The following ZNF518A variants were observed in gnomAD, a reference collection of about 807,000 sequenced individuals.
The protein encoded by ZNF518A is zinc finger protein 518.
In ZNF518A, 47 loss-of-function variants were observed where a neutral mutation model predicts 102.7. The observed-to-expected ratio is 0.46, with a 90% CI of 0.36 to 0.58. The LOEUF is 0.58. Ranked by LOEUF, ZNF518A falls within the 20% of genes least tolerant of loss-of-function variation. The pLI is 0.00. For synonymous variants in ZNF518A, 652 were observed against 594.6 expected, an observed-to-expected ratio of 1.10 and a Z score of -1.40; for missense variants, 1,793 against 1,699.8, an observed-to-expected ratio of 1.05 and a Z score of -0.96.
intron 1 of ZNF518A, among the ~76,000 whole-genome samples, chr10:96,183,217 A>T (rs1295688489): frequency 6.6e-6 from 1 of 151,332 alleles, no homozygotes; most frequent in African/African-American, 2.4e-5. Context: ...TCTGTTCTTT[A>T]TTAGTCTTGC....
chr10:96,188,699 CT>C (rs1293722016), intron 1 of ZNF518A, among the ~76,000 whole-genome samples: 1 of 152,054 alleles, frequency 6.6e-6, no homozygotes, highest in African/African-American at 2.4e-5. Context: ...AATGGTTTTC[CT>C]AAAAGGAGAA....
chr10:96,203,982 G>T, exon 3 of ZNF518A: 1 of 1,309,500 alleles, frequency 7.6e-7, no homozygotes, highest in South Asian at 1.2e-5. Context: ...TGCTGTGTTA[G>T]AACCCAGGCC....
chr10:96,196,317 T>C (rs2083463905), intron 1 of ZNF518A, among the ~76,000 whole-genome samples: 1 of 152,192 alleles, frequency 6.6e-6, no homozygotes, highest in African/African-American at 2.4e-5. Context: ...GGTTCATTTA[T>C]AGGAGCAGGC....
At chr10:96,197,080 A>G in intron 1 of ZNF518A, 2 of 1,598,034 alleles carry the variant, frequency 1.3e-6, no homozygotes, top group Non-Finnish European at 1.7e-6. Context: ...AATTTTTTTT[A>G]AAAAACATAA....
chr10:96,204,611 G>A (rs1554897002), downstream of ZNF518A: 1 of 1,613,930 alleles, frequency 6.2e-7, no homozygotes, highest in Non-Finnish European at 8.5e-7. Flanking sequence ...GCAGGTATAG[G>A]TTTTTCTGGA....
intron 1 of ZNF518A, among the ~76,000 whole-genome samples, chr10:96,185,162 A>G (rs983999997): frequency 1.3e-5 from 2 of 152,142 alleles, no homozygotes; most frequent in Non-Finnish European, 2.9e-5. Flanking sequence ...CAGGTCATTT[A>G]AGGTCTTCTC....
At chr10:96,167,568 AAATG>A (rs199631437), downstream of ZNF518A, among the ~76,000 whole-genome samples, 368 of 152,336 alleles carry the variant, frequency 2.4e-3, 4 homozygotes, top group Admixed American at 0.015. Context: ...TTAAAGAACT[AAATG>A]AAAATTCTGG....
intron 3 of ZNF518A, among the ~76,000 whole-genome samples, chr10:96,143,507 T>C (rs1005068630): frequency 1.3e-5 from 2 of 152,340 alleles, no homozygotes; most frequent in South Asian, 2.1e-4. Context: ...TGCTACTCTT[T>C]AAAGGGTCCT....
At position 96,198,278 on chromosome 10, in the gene ZNF518A, C is replaced by CA. The variant is rs1564811896; in HGVS notation, n.36-5290dup. 2.6e-5 allele frequency among the ~76,000 whole-genome samples: 4 copies of CA among 152,106 alleles called. No homozygotes were observed. In the South Asian group the frequency reaches 8.3e-4, roughly 32 times the overall value. On this transcript the variant is annotated intron_variant and non_coding_transcript_variant, in intron 1 of 2. Coordinates refer to the ZNF518A transcript ENST00000442635. ...AAGACAGTGATGGGAGAAAAAATGACAAAAAAGATCCAAAACGCATGTAAA... is the reference window on the plus strand; with the variant it reads ...AAGACAGTGATGGGAGAAAAAATGACAAAAAAAGATCCAAAACGCATGTAAA...
chr10:96,166,746 G>A (rs916605196), downstream of ZNF518A, among the ~76,000 whole-genome samples: 34 of 152,266 alleles, frequency 2.2e-4, no homozygotes, highest in African/African-American at 7.5e-4. Context: ...CAGCCTAGGC[G>A]ACAGAGCGAG....
chr10:96,156,799 A>G lies in ZNF518A; in HGVS notation c.477A>G (p.Ala159=), dbSNP rs781976084. The change falls in exon 6 of 6, where the codon GCA becomes GCG. Residue 159 remains alanine (A), a synonymous_variant. Coordinates refer to ENST00000316045, the MANE Select transcript of ZNF518A (RefSeq NM_001330736.2). Reference sequence around the variant, plus strand: ...CTTGTGAAATGTGCAACTTTTCAGCAAATGACTTTCAGGTATTTAAACAAC... The same window carrying G: ...CTTGTGAAATGTGCAACTTTTCAGCGAATGACTTTCAGGTATTTAAACAAC... ...SYPCEMCNFS[A]NDFQVFKQHR... 2 of 1,613,846 alleles carry G rather than the reference A, an allele frequency of 1.2e-6. No individual in the cohort carries two copies. Among genetic ancestry groups the G allele is most frequent in the Non-Finnish European group, 1.7e-6 (2 of 1,179,832 alleles).
intron 3 of ZNF518A, among the ~76,000 whole-genome samples, chr10:96,136,030 T>G (rs1554874291): frequency 6.6e-6 from 1 of 152,120 alleles, no homozygotes; most frequent in Non-Finnish European, 1.5e-5. Context: ...GAGTGGAGAT[T>G]GGTTTCACTG....
rs932450938 is a variant in ZNF518A, at chr10:96,162,055, A to G, written c.*1281A>G. ...GGATAATGGAGTTCTTGTGTTAACAAATTACGTGCTATATGATTTTTTGTT... is the reference window on the plus strand; with the variant it reads ...GGATAATGGAGTTCTTGTGTTAACAGATTACGTGCTATATGATTTTTTGTT... On this transcript the variant is annotated 3_prime_UTR_variant, in exon 6 of 6. Coordinates refer to ENST00000316045, the MANE Select transcript of ZNF518A (RefSeq NM_001330736.2). 2 of 166,944 alleles carry G rather than the reference A, an allele frequency of 1.2e-5. No individual in the cohort carries two copies. The highest frequency in any genetic ancestry group is 2.9e-5 in the Non-Finnish European group (2 of 68,016). 10.3% of individuals were successfully genotyped at this position (166,944 alleles called of 1,614,324 possible).
At position 96,160,867 on chromosome 10, in the gene ZNF518A, T is replaced by G; in HGVS notation, c.*93T>G. 2 of 1,270,164 alleles carry G rather than the reference T, an allele frequency of 1.6e-6. No homozygotes were observed. Among genetic ancestry groups the G allele is most frequent in the Non-Finnish European group, 2.1e-6 (2 of 958,082 alleles). The allele number at this position is 1,270,164 out of a possible 1,614,324, so 78.7% of individuals were successfully genotyped here. ...ATAATGCAGACATTTTCTACTTCAG[T>G]ATAGTACCTGAAATCGAACATTTTA... On this transcript the variant is annotated 3_prime_UTR_variant, in exon 6 of 6. Transcript: ENST00000316045.
At chr10:96,151,071 T>G (rs1408784302) in intron 3 of ZNF518A, among the ~76,000 whole-genome samples, 1 of 152,034 alleles carries the variant, frequency 6.6e-6, no homozygotes, top group Non-Finnish European at 1.5e-5. Flanking sequence ...GTAACTTTCA[T>G]TATGGTCACT....
chr10:96,179,780 T>TC, intron 1 of ZNF518A, among the ~76,000 whole-genome samples: 3 of 134,322 alleles, frequency 2.2e-5, no homozygotes. Context: ...TCTTCTTCCT[T>TC]TTCTTCTTCC....
chr10:96,194,193 T>C (rs2083400333), intron 1 of ZNF518A, among the ~76,000 whole-genome samples: 1 of 152,102 alleles, frequency 6.6e-6, no homozygotes, highest in African/African-American at 2.4e-5. Flanking sequence ...GACCTCGAAA[T>C]AGGACAGCTT....
At position 96,160,569 on chromosome 10, in the gene ZNF518A, TGAAA is replaced by T; in HGVS notation, c.4254_4257del (p.Glu1418AspfsTer4). On this transcript the variant is annotated frameshift_variant, in exon 6 of 6. Coordinates refer to ENST00000316045, the MANE Select transcript of ZNF518A (RefSeq NM_001330736.2). LOFTEE classifies it high-confidence loss of function. ...AAAACATTTAAACCTGTTAGTTCTGTGAAAGAAAGATTTGTGCTAAAATTAACAC... is the reference window on the plus strand; with the variant it reads ...AAAACATTTAAACCTGTTAGTTCTGTGAAAGATTTGTGCTAAAATTAACAC... 1 of 1,611,974 alleles carries T rather than the reference TGAAA, an allele frequency of 6.2e-7. No homozygotes were observed. The highest frequency in any genetic ancestry group is 8.5e-7 in the Non-Finnish European group (1 of 1,179,168).
At position 96,160,083 on chromosome 10, in the gene ZNF518A, T is replaced by A. The variant is rs587611683; in HGVS notation, c.3761T>A (p.Ile1254Asn). The change falls in exon 6 of 6, where the codon ATT (isoleucine) becomes AAT (asparagine). Residue 1254 changes from isoleucine to asparagine, a missense_variant. Transcript: ENST00000316045. Reference sequence around the variant, plus strand: ...AATAGAAAAAAGACTTCCAAAAAAATTTTTTCAAAAACAAAAACTCATGGA... The same window carrying A: ...AATAGAAAAAAGACTTCCAAAAAAAATTTTTCAAAAACAAAAACTCATGGA... ...NFNRKKTSKKIFSKTKTHGSK... is the reference protein window; with the variant it reads ...NFNRKKTSKKNFSKTKTHGSK... 1.8e-5 allele frequency: 29 copies of A among 1,607,978 alleles called. No homozygotes were observed. Among genetic ancestry groups the A allele is most frequent in the Non-Finnish European group, 2.4e-5 (28 of 1,178,526 alleles).
Sources: allele counts gnomAD v4.1 joint callset (sites outside exome capture counted in the v4.1 genomes callset), GRCh38; gene constraint gnomAD v4.1.1; transcripts MANE v1.5; gene names NCBI Gene and HGNC (gene_info 2026-07-23, HGNC 2026-07-21).